Variants in SNX5 observed in about 807,000 individuals in gnomAD.
SNX5 encodes the protein sorting nexin 5, also known as sorting nexin-5.
SNX5 carries 31 observed loss-of-function variants against 53.9 expected under a neutral mutation model. That is an observed-to-expected ratio of 0.58 (90% CI 0.43 to 0.78). SNX5 has a LOEUF of 0.78. SNX5 is among the 30% of genes least tolerant of loss of function. The probability of loss-of-function intolerance (pLI) is 0.00; values close to 1 mark genes in which losing one functional copy is unlikely to be tolerated. For missense variants in SNX5, 471 were observed against 478.8 expected, an observed-to-expected ratio of 0.98 and a Z score of 0.15; for synonymous variants, 168 against 171.1, an observed-to-expected ratio of 0.98 and a Z score of 0.14.
intron 1 of SNX5, among the ~76,000 whole-genome samples, chr20:17,960,629 T>A (rs2035431155): frequency 6.6e-6 from 1 of 151,372 alleles, no homozygotes; most frequent in Admixed American, 6.6e-5. Flanking sequence ...ACACACAAAT[T>A]AGCCTGGCAT....
At chr20:17,960,437 T>C (rs1369964949) in intron 1 of SNX5, among the ~76,000 whole-genome samples, 3 of 151,978 alleles carry the variant, frequency 2.0e-5, no homozygotes, top group Non-Finnish European at 4.4e-5. Flanking sequence ...CTACCAAAAA[T>C]ACAAAAATTA....
chr20:17,954,151 T>A lies in SNX5; in HGVS notation c.268-34A>T, dbSNP rs139029283. ...GAGGCAGGAACTCATGAGCCTCTTG[T>A]CCCAGCAGCGATGTTTTCTAGTTGG... On this transcript the variant is annotated intron_variant, in intron 3 of 12. Coordinates refer to ENST00000377759, the MANE Select transcript of SNX5 (RefSeq NM_014426.4). 67 of 1,609,980 alleles carry A rather than the reference T, an allele frequency of 4.2e-5. No homozygotes were observed. In the African/African-American group the frequency reaches 8.6e-4, roughly 21 times the overall value.
chr20:17,952,035 A>G (rs375598080), intron 5 of SNX5, among the ~76,000 whole-genome samples: 1 of 152,224 alleles, frequency 6.6e-6, no homozygotes, highest in East Asian at 1.9e-4. Context: ...CATCTTGGCT[A>G]ACGCGGTGAA....
At chr20:17,945,176 T>G (rs1353812725) in intron 11 of SNX5, 1 of 152,248 alleles carries the variant, frequency 6.6e-6, no homozygotes, top group Non-Finnish European at 1.5e-5. Context: ...AGGTGATGTT[T>G]ATCAGTCCCT....
intron 1 of SNX5, among the ~76,000 whole-genome samples, chr20:17,960,645 C>T (rs1290685931): frequency 4.0e-5 from 6 of 151,722 alleles, no homozygotes; most frequent in East Asian, 1.9e-4. Flanking sequence ...GGCATGGTGG[C>T]GTGCGCCTGT....
chr20:17,960,863 A>T (rs887186646), intron 1 of SNX5, among the ~76,000 whole-genome samples: 29 of 152,194 alleles, frequency 1.9e-4, no homozygotes, highest in Non-Finnish European at 3.5e-4. Flanking sequence ...CAGAATTTTT[A>T]AAAAATTTTT....
At chr20:17,955,817 T>C (rs567436419) in intron 2 of SNX5, among the ~76,000 whole-genome samples, 19 of 152,306 alleles carry the variant, frequency 1.2e-4, no homozygotes, top group African/African-American at 4.3e-4. Flanking sequence ...GGACAGGGTC[T>C]GGCTGTCACC....
At chr20:17,958,973 CAT>C (rs1421652099) in intron 1 of SNX5, among the ~76,000 whole-genome samples, 3 of 152,234 alleles carry the variant, frequency 2.0e-5, no homozygotes, top group African/African-American at 7.2e-5. Context: ...CTGGAGGAGA[CAT>C]AGGACAGCTC....
At chr20:17,960,837 G>C (rs965171360) in intron 1 of SNX5, among the ~76,000 whole-genome samples, 1 of 150,930 alleles carries the variant, frequency 6.6e-6, no homozygotes, top group African/African-American at 2.4e-5. Context: ...AAAACGGTGA[G>C]ACCTCATCTC....
In SNX5 at chr20:17,951,766, A is replaced by T. The variant is rs1443251898; in HGVS notation, c.514-171T>A. ...CTTAAAACACCTAATGGCTAAACCC[A>T]AACATAGGTAGGTCATCTCATTCTA... On this transcript the variant is annotated intron_variant, in intron 5 of 12. Transcript: ENST00000377759. Among the ~76,000 whole-genome samples, 9 of 152,246 alleles carry T rather than the reference A, an allele frequency of 5.9e-5. 1 individual carries two copies. Among genetic ancestry groups the T allele is most frequent in the African/African-American group, 2.2e-4 (9 of 41,462 alleles).
At chr20:17,960,387 A>G (rs865904403) in intron 1 of SNX5, among the ~76,000 whole-genome samples, 11 of 152,162 alleles carry the variant, frequency 7.2e-5, no homozygotes, top group Admixed American at 1.3e-4. Context: ...CAAGGTCAGG[A>G]GATCGAGAAC....
At chr20:17,949,978 C>G (rs1313501663) in intron 8 of SNX5, among the ~76,000 whole-genome samples, 154 bp downstream of exon 8, 1 of 152,164 alleles carries the variant, frequency 6.6e-6, no homozygotes, top group Non-Finnish European at 1.5e-5. Flanking sequence ...TGTCTTATGT[C>G]CAGAGAACAT....
At chr20:17,959,271 C>T (rs530141799) in intron 1 of SNX5, among the ~76,000 whole-genome samples, 4 of 152,346 alleles carry the variant, frequency 2.6e-5, no homozygotes, top group African/African-American at 9.6e-5. Context: ...GCTTTAGCTG[C>T]TTTTCGTTCC....
Position 17,950,181 on chromosome 20 carries a change from C to G in SNX5, c.742G>C (p.Ala248Pro), listed in dbSNP as rs756281625. The G allele has an allele frequency of 6.2e-7, 1 of 1,614,110 alleles. No individual in the cohort carries two copies. The change falls in exon 8 of 13, where the codon GCA (alanine) becomes CCA (proline). Residue 248 changes from alanine to proline, a missense_variant. Physicochemically the swap from Ala to Pro is conservative, Grantham distance 27. Transcript: ENST00000377759. ...AAAGCCAGGCTATGTAAGCAGGCTGCGGTGTGGATATAGTCATCGGCAACA... is the reference window on the plus strand; with the variant it reads ...AAAGCCAGGCTATGTAAGCAGGCTGGGGTGTGGATATAGTCATCGGCAACA... ...KNVADDYIHTAACLHSLALEE... is the reference protein window; with the variant it reads ...KNVADDYIHTPACLHSLALEE...
In SNX5 at chr20:17,947,409, T is replaced by G. The variant is rs145575414; in HGVS notation, c.1078+77A>C. On this transcript the variant is annotated intron_variant, in intron 11 of 12. Coordinates refer to ENST00000377759, the MANE Select transcript of SNX5 (RefSeq NM_014426.4). The stretch of plus-strand genomic sequence containing the variant: ...GGGTGAAGGATACATGGGTGTTTTT[T>G]GCACTATTTGTAGAACTTTTCTAAG... 7,261 of 1,513,614 alleles carry G rather than the reference T, an allele frequency of 4.8e-3. 28 individuals are homozygous for G. The highest frequency in any genetic ancestry group is 0.017 in the Middle Eastern group (95 of 5,682). 93.8% of individuals were successfully genotyped at this position (1,513,614 alleles called of 1,614,324 possible). A position where few individuals can be genotyped will look rare whatever the true frequency, so the allele number is the denominator to read the frequency against.
Position 17,955,352 on chromosome 20 carries a change from C to T in SNX5, c.267+13G>A. The stretch of plus-strand genomic sequence containing the variant: ...AGAAAGAACTAGCTTATTTGATTTT[C>T]TAAAAGACTCACAATAAGCCCAGCA... On this transcript the variant is annotated intron_variant, in intron 3 of 12. Coordinates refer to ENST00000377759, the MANE Select transcript of SNX5 (RefSeq NM_014426.4). 6.3e-7 allele frequency: 1 copy of T among 1,588,166 alleles called. No individual in the cohort carries two copies. The highest frequency in any genetic ancestry group is 1.1e-5 in the South Asian group (1 of 89,650).
At chr20:17,953,877 GACCT>G in intron 4 of SNX5, 115 bp downstream of exon 4, 1 of 792,186 alleles carries the variant, frequency 1.3e-6, no homozygotes, top group Non-Finnish European at 2.1e-6. Context: ...CGACGCTAGG[GACCT>G]AATTAAACAG....
Position 17,949,065 on chromosome 20 carries a change from C to T in SNX5, c.830G>A (p.Arg277Lys). 3 of 1,613,020 alleles carry T rather than the reference C, an allele frequency of 1.9e-6. No individual in the cohort carries two copies. The highest frequency in any genetic ancestry group is 2.2e-5 in the East Asian group (1 of 44,864). Residue 277 changes from arginine to lysine, a missense_variant and splice_region_variant, in exon 9 of 13, where the codon AGG becomes AAG. Arg to Lys is a conservative substitution (Grantham distance 26). Transcript: ENST00000377759. ...LKVAELFEKLRKVEGRVSSDE... is the reference protein window; with the variant it reads ...LKVAELFEKLKKVEGRVSSDE... ...GAAGACCAACACAGAAATCCTTACC[C>T]TTAGTTTTTCAAATAGCTCAGCAAC...
intron 1 of SNX5, among the ~76,000 whole-genome samples, chr20:17,966,299 C>A (rs189648870): frequency 3.3e-5 from 5 of 151,794 alleles, no homozygotes. Context: ...GCAGGAGAAT[C>A]GCTTGAACCC....
Sources: allele counts gnomAD v4.1 joint callset (sites outside exome capture counted in the v4.1 genomes callset), GRCh38; gene constraint gnomAD v4.1.1; transcripts MANE v1.5; gene names NCBI Gene and HGNC (gene_info 2026-07-23, HGNC 2026-07-21).